The following ORC5 variants were observed in gnomAD, a reference collection of about 807,000 sequenced individuals.
ORC5 encodes origin recognition complex subunit 5.
In ORC5, 39 loss-of-function variants were observed where a neutral mutation model predicts 58.8. The observed-to-expected ratio is 0.66, with a 90% CI of 0.51 to 0.87. The LOEUF is 0.87. ORC5 is among the 40% of genes least tolerant of loss of function. ORC5 has a pLI of 0.00. For synonymous variants in ORC5, 218 were observed against 177.6 expected (o/e 1.23, Z -1.81); for missense variants, 493 against 506.3 (o/e 0.97, Z 0.25).
intron 12 of ORC5, among the ~76,000 whole-genome samples, chr7:104,158,374 T>C (rs929296730): frequency 6.6e-6 from 1 of 152,106 alleles, no homozygotes; most frequent in African/African-American, 2.4e-5. Context: ...ATAAAAACCC[T>C]AGAAGAAAAC....
chr7:104,194,970 G>A (rs1799764419), intron 5 of ORC5, among the ~76,000 whole-genome samples, 173 bp downstream of exon 5: 1 of 151,928 alleles, frequency 6.6e-6, no homozygotes, highest in African/African-American at 2.4e-5. Context: ...ATAATACTTT[G>A]ATATTCCCAT....
chr7:104,160,723 A>AT (rs1359667156), intron 12 of ORC5, among the ~76,000 whole-genome samples: 2 of 152,066 alleles, frequency 1.3e-5, no homozygotes, highest in Admixed American at 6.6e-5. Flanking sequence ...ACAAAAAAAA[A>AT]TTTTTCAATT....
rs1798550945 is a variant in ORC5, at chr7:104,133,968, A to G, written c.1262+2813T>C. On this transcript the variant is annotated intron_variant, in intron 13 of 13. Transcript: ENST00000297431. The surrounding 1 kb of genome is among the most constrained non-coding windows in gnomAD (Gnocchi z 4.7). ...AGGTAGAAGAATCTACCTTAGGAAG[A>G]GGAACCCCATCCTGCTGAAAAAGGA... 6.6e-6 allele frequency among the ~76,000 whole-genome samples: 1 copy of G among 152,168 alleles called. No homozygotes were observed. The highest frequency in any genetic ancestry group is 2.4e-5 in the African/African-American group (1 of 41,400).
intron 5 of ORC5, among the ~76,000 whole-genome samples, chr7:104,190,465 G>A (rs1003477879): frequency 2.0e-5 from 3 of 151,890 alleles, no homozygotes; most frequent in Non-Finnish European, 1.5e-5. Context: ...CTACAACTTT[G>A]ATATCTTTAC....
At chr7:104,203,450 A>T (rs1799995329) in intron 2 of ORC5, among the ~76,000 whole-genome samples, 1 of 152,234 alleles carries the variant, frequency 6.6e-6, no homozygotes, top group South Asian at 2.1e-4. Flanking sequence ...GGTTTAGGAT[A>T]TGAAAGGGAG....
intron 8 of ORC5, among the ~76,000 whole-genome samples, chr7:104,178,946 T>C (rs1359554234): frequency 6.6e-6 from 1 of 152,120 alleles, no homozygotes; most frequent in Non-Finnish European, 1.5e-5. Flanking sequence ...GAAAAAAGAA[T>C]AATTTTGTCA....
chr7:104,163,531 G>T (rs537838207), intron 11 of ORC5, among the ~76,000 whole-genome samples: 1 of 152,182 alleles, frequency 6.6e-6, no homozygotes, highest in Non-Finnish European at 1.5e-5. Context: ...CTGTTGCCCA[G>T]GCTGGAGTGT....
At chr7:104,137,279 A>C (rs890704132) in intron 12 of ORC5, among the ~76,000 whole-genome samples, 16 of 152,110 alleles carry the variant, frequency 1.1e-4, no homozygotes, top group Non-Finnish European at 1.9e-4. Flanking sequence ...CAAAAAAAAA[A>C]AAAACAATTT....
At chr7:104,156,816 C>T (rs943307886) in intron 12 of ORC5, among the ~76,000 whole-genome samples, 2 of 151,876 alleles carry the variant, frequency 1.3e-5, no homozygotes, top group African/African-American at 2.4e-5. Context: ...TGTAAATACA[C>T]ACATACATGT....
intron 12 of ORC5, among the ~76,000 whole-genome samples, chr7:104,151,309 C>G (rs2115811335): frequency 6.6e-6 from 1 of 152,092 alleles, no homozygotes; most frequent in East Asian, 1.9e-4. Context: ...GACAAGGAGA[C>G]CAGATAGAAA....
chr7:104,182,454 TAA>T (rs965047869), intron 8 of ORC5, among the ~76,000 whole-genome samples: 1 of 152,126 alleles, frequency 6.6e-6, no homozygotes, highest in African/African-American at 2.4e-5. Context: ...GAACCTGACC[TAA>T]AAGATTCTTT....
intron 5 of ORC5, among the ~76,000 whole-genome samples, chr7:104,191,683 T>C (rs1226883083): frequency 6.6e-6 from 1 of 152,062 alleles, no homozygotes; most frequent in East Asian, 1.9e-4. Context: ...AAGCAAGTCA[T>C]GCCAGCTCTA....
chr7:104,199,358 G>A (rs563400740), intron 3 of ORC5, among the ~76,000 whole-genome samples: 3 of 152,340 alleles, frequency 2.0e-5, no homozygotes, highest in African/African-American at 7.2e-5. Flanking sequence ...GCTGCACAAG[G>A]CCATGGGAGC....
chr7:104,204,363 T>C (rs1355471912), intron 1 of ORC5, 129 bp from the exon 2 acceptor site: 1 of 634,722 alleles, frequency 1.6e-6, no homozygotes, highest in Non-Finnish European at 2.8e-6. Context: ...GAGCATATTG[T>C]GGATGCATCA....
rs534026991 is a variant in ORC5 at position 104,133,951 on chromosome 7, G to C, written c.1262+2830C>G. Among the ~76,000 whole-genome samples, 62 of 152,198 alleles carry C rather than the reference G, an allele frequency of 4.1e-4. 2 individuals are homozygous for C. Among genetic ancestry groups the C allele is most frequent in the African/African-American group, 1.5e-3 (61 of 41,524 alleles). The stretch of plus-strand genomic sequence containing the variant: ...GATGGAATTCAGAGCATAGGTAGAA[G>C]AATCTACCTTAGGAAGAGGAACCCC... On this transcript the variant is annotated intron_variant, in intron 13 of 13. Transcript: ENST00000297431. The surrounding 1 kb of genome is among the most constrained non-coding windows in gnomAD (Gnocchi z 4.7).
At chr7:104,171,854 CA>C (rs1435957810) in intron 8 of ORC5, among the ~76,000 whole-genome samples, 2 of 151,730 alleles carry the variant, frequency 1.3e-5, no homozygotes, top group Non-Finnish European at 2.9e-5. Context: ...GACCCTGTCT[CA>C]AAAAAACAAA....
intron 5 of ORC5, among the ~76,000 whole-genome samples, chr7:104,193,073 A>G (rs1799711850): frequency 6.6e-6 from 1 of 152,092 alleles, no homozygotes; most frequent in South Asian, 2.1e-4. Context: ...TTGAAGAAAC[A>G]CTGCCTGAAA....
At chr7:104,161,522 C>T (rs532121817) in intron 11 of ORC5, among the ~76,000 whole-genome samples, 7 of 152,154 alleles carry the variant, frequency 4.6e-5, no homozygotes, top group East Asian at 1.9e-4. Context: ...AGGCACACAC[C>T]GCAATGTTTG....
intron 8 of ORC5, among the ~76,000 whole-genome samples, chr7:104,178,568 G>A (rs1799369595): frequency 6.6e-6 from 1 of 152,088 alleles, no homozygotes; most frequent in African/African-American, 2.4e-5. Flanking sequence ...AGTTTGATTA[G>A]ATCCTATTTG....
Sources: gnomAD v4.1 joint callset for allele counts (sites outside exome capture counted in the v4.1 genomes callset) on GRCh38, gnomAD v4.1.1 for gene constraint, Gnocchi (gnomAD v3.1) non-coding constraint, MANE v1.5 for transcripts, NCBI Gene and HGNC (gene_info 2026-07-23, HGNC 2026-07-21) for gene names.